PRKG2: variants seen among roughly 807,000 people sequenced by gnomAD.
PRKG2 encodes the protein protein kinase cGMP-dependent 2.
Under a neutral mutation model 97.2 loss-of-function variants are expected in PRKG2, and 33 were observed. The ratio of observed to expected loss-of-function variants is 0.34; its 90% CI spans 0.26 to 0.45. PRKG2 has a LOEUF of 0.45. Ranked by LOEUF, PRKG2 falls within the 20% of genes least tolerant of loss-of-function variation. PRKG2 has a pLI of 1.00. For missense variants in PRKG2, 638 were observed against 900.0 expected, an observed-to-expected ratio of 0.71 and a Z score of 3.73; for synonymous variants, 330 against 321.8, an observed-to-expected ratio of 1.03 and a Z score of -0.27.
In PRKG2 at chr4:81,205,078, T is replaced by G; in HGVS notation, c.-13-18A>C. The G allele has an allele frequency of 6.6e-7, 1 of 1,510,146 alleles. No homozygotes were observed. Among genetic ancestry groups the G allele is most frequent in the Non-Finnish European group, 9.0e-7 (1 of 1,115,478 alleles). 93.5% of individuals were successfully genotyped at this position (1,510,146 alleles called of 1,614,324 possible). On this transcript the variant is annotated intron_variant, in intron 1 of 18. Transcript: ENST00000264399. ...TCAGGGACCTGAGAAGGCACAGAAT[T>G]GGGAAGTATCAAGTGGAGTTTCACT...
chr4:81,206,940 G>C (rs1044306512), intron 1 of PRKG2, among the ~76,000 whole-genome samples: 2 of 152,152 alleles, frequency 1.3e-5, no homozygotes, highest in African/African-American at 4.8e-5. Flanking sequence ...TAGAATTCAG[G>C]TTCAAAGTGG....
Position 81,105,859 on chromosome 4 carries a change from T to C in PRKG2, c.2017A>G (p.Arg673Gly), listed in dbSNP as rs1743271921. ...TCCTCAGGTCGTCGTGTTATCTTCCTGGGAAAATCCATTTTTTCAATTCCT... is the reference window on the plus strand; with the variant it reads ...TCCTCAGGTCGTCGTGTTATCTTCCCGGGAAAATCCATTTTTTCAATTCCT... The part of the protein sequence containing the change: ...LKGIEKMDFP[R>G]KITRRPEDLI... The change falls in exon 16 of 19, where the codon AGG becomes GGG. Residue 673 changes from arginine (R) to glycine (G), a missense_variant. Physicochemically the swap from Arg to Gly is moderately radical, Grantham distance 125. Around this residue, in one of 3 missense-constraint regions of PRKG2, gnomAD observed 304 missense variants for 460.5 expected, o/e 0.66. Coordinates refer to ENST00000264399, the MANE Select transcript of PRKG2 (RefSeq NM_006259.3). The C allele has an allele frequency of 6.2e-7, 1 of 1,613,914 alleles. No homozygotes were observed. Among genetic ancestry groups the C allele is most frequent in the Non-Finnish European group, 8.5e-7 (1 of 1,179,832 alleles).
chr4:81,142,866 G>A lies in PRKG2; in HGVS notation c.1335C>T (p.Ser445=). The A allele has an allele frequency of 3.7e-6, 6 of 1,613,266 alleles. No homozygotes were observed. The highest frequency in any genetic ancestry group is 5.1e-6 in the Non-Finnish European group (6 of 1,179,456). ...IQLKEKVARF[S]SSSPFQNLEI... ...CAAGGTTCTGGAATGGGGATGATGAGGAAAATCTGGCCACCTTCTCCTTCA... is the reference window on the plus strand; with the variant it reads ...CAAGGTTCTGGAATGGGGATGATGAAGAAAATCTGGCCACCTTCTCCTTCA... The change falls in exon 11 of 19, where the codon TCC becomes TCT. Residue 445 remains serine, a synonymous_variant. Coordinates refer to ENST00000264399, the MANE Select transcript of PRKG2 (RefSeq NM_006259.3).
At chr4:81,108,474 T>G (rs1743575305) in intron 15 of PRKG2, among the ~76,000 whole-genome samples, 2 of 145,456 alleles carry the variant, frequency 1.4e-5, no homozygotes, top group South Asian at 4.3e-4. Context: ...ATTAACACTA[T>G]TGGTTTTTTT....
intron 18 of PRKG2, among the ~76,000 whole-genome samples, chr4:81,091,926 A>C (rs1183644197): frequency 6.6e-6 from 1 of 152,178 alleles, no homozygotes; most frequent in African/African-American, 2.4e-5. Context: ...GGATTTAGAA[A>C]ATTTATTATG....
rs117046676 is a variant in PRKG2 at position 81,103,321 on chromosome 4, C to A, written c.2126+1049G>T. On this transcript the variant is annotated intron_variant, in intron 17 of 18. Coordinates refer to ENST00000264399, the MANE Select transcript of PRKG2 (RefSeq NM_006259.3). ...CTATCCCTCCCCGCTCCCCCCACCC[C>A]ACAACAGGCCGTCTTATGAAGGTTA... Among the ~76,000 whole-genome samples the A allele has an allele frequency of 2.9e-3, 444 of 152,130 alleles. 1 individual carries two copies. Among genetic ancestry groups the A allele is most frequent in the African/African-American group, 0.01 (419 of 41,478 alleles).
chr4:81,129,698 C>T (rs1745966210), intron 14 of PRKG2, among the ~76,000 whole-genome samples: 1 of 152,166 alleles, frequency 6.6e-6, no homozygotes, highest in African/African-American at 2.4e-5. Context: ...AAATATTCCT[C>T]CATCCCTGCA....
intron 6 of PRKG2, among the ~76,000 whole-genome samples, chr4:81,163,898 ACAC>A (rs1338738276): frequency 2.1e-5 from 3 of 145,764 alleles, no homozygotes; most frequent in Non-Finnish European, 4.4e-5. Context: ...ACACACACAC[ACAC>A]ACCTCTGTGC....
intron 3 of PRKG2, 79 bp from the exon 4 acceptor site, chr4:81,171,883 A>C (rs1750512452): frequency 3.1e-6 from 3 of 969,424 alleles, no homozygotes; most frequent in Admixed American, 2.6e-5. Context: ...AAAATAAAAC[A>C]ATCATAAAGC....
At chr4:81,110,411 C>G (rs1284644255) in intron 15 of PRKG2, 37 bp downstream of exon 15, 1 of 1,582,698 alleles carries the variant, frequency 6.3e-7, no homozygotes, top group Non-Finnish European at 8.6e-7. Context: ...TTGCATTTCT[C>G]TGAAGAGGTG....
rs1753535076 is a variant in PRKG2, at chr4:81,204,683, T to C, written c.365A>G (p.Lys122Arg). 6.2e-7 allele frequency: 1 copy of C among 1,614,154 alleles called. No homozygotes were observed. The highest frequency in any genetic ancestry group is 8.5e-7 in the Non-Finnish European group (1 of 1,180,030). The part of the protein sequence containing the change: ...LVSLHSRRGA[K>R]AGVSAEPTTR... Reference sequence around the variant, plus strand: ...TGTTGGCTCAGCAGACACGCCAGCCTTTGCTCCCCTCCTGCTATGGAGAGA... The same window carrying C: ...TGTTGGCTCAGCAGACACGCCAGCCCTTGCTCCCCTCCTGCTATGGAGAGA... Residue 122 changes from lysine (K) to arginine (R), a missense_variant, in exon 2 of 19, where the codon AAG becomes AGG. Transcript: ENST00000264399.
intron 14 of PRKG2, among the ~76,000 whole-genome samples, chr4:81,133,435 C>A (rs929399526): frequency 6.6e-6 from 1 of 152,124 alleles, no homozygotes; most frequent in Non-Finnish European, 1.5e-5. Flanking sequence ...CTACTAAAAT[C>A]AAACCTCTAG....
chr4:81,184,239 A>G (rs1751682423), intron 2 of PRKG2, among the ~76,000 whole-genome samples: 1 of 152,176 alleles, frequency 6.6e-6, no homozygotes, highest in South Asian at 2.1e-4. Context: ...CACCTCATAC[A>G]GGAGAGCTCC....
chr4:81,130,952 C>T (rs1033362144), intron 14 of PRKG2, among the ~76,000 whole-genome samples: 2 of 152,206 alleles, frequency 1.3e-5, no homozygotes, highest in African/African-American at 4.8e-5. Flanking sequence ...AGCTAGACCA[C>T]TTGGCTCCCT....
rs541879604 is a variant in PRKG2, at chr4:81,133,857, T to A, written c.1776+1298A>T. Among the ~76,000 whole-genome samples, 422 of 151,660 alleles carry A rather than the reference T, an allele frequency of 2.8e-3. 3 individuals are homozygous for A. Among genetic ancestry groups the A allele is most frequent in the African/African-American group, 6.6e-3 (270 of 41,124 alleles). ...TGTGAAATATATAGCTATTTTTTTTTAAAAATAGCTTTTTAAGAAAAATCA... is the reference window on the plus strand; with the variant it reads ...TGTGAAATATATAGCTATTTTTTTTAAAAAATAGCTTTTTAAGAAAAATCA... On this transcript the variant is annotated intron_variant, in intron 14 of 18. Coordinates refer to ENST00000264399, the MANE Select transcript of PRKG2 (RefSeq NM_006259.3).
intron 14 of PRKG2, among the ~76,000 whole-genome samples, chr4:81,127,523 G>A (rs1274535912): frequency 6.6e-6 from 1 of 152,156 alleles, no homozygotes; most frequent in Non-Finnish European, 1.5e-5. Context: ...GCAGTGGTTT[G>A]TAGTCCTCCT....
intron 9 of PRKG2, among the ~76,000 whole-genome samples, chr4:81,147,440 C>T (rs1400111999): frequency 1.3e-5 from 2 of 152,160 alleles, no homozygotes; most frequent in African/African-American, 4.8e-5. Flanking sequence ...TATCTGAACA[C>T]ACTTCACACT....
chr4:81,097,022 T>C (rs1006917253), intron 17 of PRKG2, among the ~76,000 whole-genome samples: 3 of 152,194 alleles, frequency 2.0e-5, no homozygotes, highest in Non-Finnish European at 2.9e-5. Context: ...GGAATCACTA[T>C]GGCAGCTATA....
At chr4:81,185,128 C>T (rs1438454230) in intron 2 of PRKG2, among the ~76,000 whole-genome samples, 1 of 152,132 alleles carries the variant, frequency 6.6e-6, no homozygotes, top group Non-Finnish European at 1.5e-5. Flanking sequence ...ATATAGAGAA[C>T]ACCACAAAGA....
Sources: gnomAD v4.1 joint callset for allele counts (sites outside exome capture counted in the v4.1 genomes callset) on GRCh38, gnomAD v4.1.1 for gene constraint, gnomAD v4.1.1 regional missense constraint, MANE v1.5 for transcripts, NCBI Gene and HGNC (gene_info 2026-07-23, HGNC 2026-07-21) for gene names.